Variants in CSMD1 observed in about 807,000 individuals in gnomAD.
CSMD1 encodes CUB and sushi domain-containing protein 1.
A neutral mutation model predicts 417.5 loss-of-function variants in CSMD1; 213 were observed. That is an observed-to-expected ratio of 0.51 (90% CI 0.46 to 0.57). The LOEUF (loss-of-function observed/expected upper bound fraction) is 0.57. Among genes scored for constraint, CSMD1 ranks in the 20% least tolerant of loss-of-function variants. The pLI is 0.00. For synonymous variants in CSMD1, 2,862 were observed against 1,736.8 expected (o/e 1.65, Z -16.11); for missense variants, 6,923 against 4,529.7 (o/e 1.53, Z -15.17).
chr8:4,386,398 C>T (rs548509270), intron 3 of CSMD1, among the ~76,000 whole-genome samples: 5 of 151,470 alleles, frequency 3.3e-5, no homozygotes, highest in East Asian at 1.9e-4. Context: ...GTTCCATCCC[C>T]GGTTATGACT....
intron 3 of CSMD1, among the ~76,000 whole-genome samples, chr8:4,077,295 G>GGGTA (rs1554439869): frequency 1.7e-4 from 15 of 88,912 alleles, no homozygotes; most frequent in African/African-American, 6.5e-4. Flanking sequence ...ATATATATAT[G>GGGTA]TGTATATATA....
chr8:4,486,578 T>C lies in CSMD1; in HGVS notation c.303-66513A>G, dbSNP rs116180979. ...CATAACAGAAGCTTATCAATGCATA[T>C]ATAAGAAGTCCATCTTTCTGAAACT... is the stretch of plus-strand genomic sequence containing the variant. On this transcript the variant is annotated intron_variant, in intron 2 of 69. Coordinates refer to ENST00000635120, the MANE Select transcript of CSMD1 (RefSeq NM_033225.6). Among the ~76,000 whole-genome samples the C allele has an allele frequency of 9.3e-3, 1,410 of 152,152 alleles. 19 individuals carry two copies. Among genetic ancestry groups the C allele is most frequent in the African/African-American group, 0.033 (1,359 of 41,506 alleles).
intron 2 of CSMD1, among the ~76,000 whole-genome samples, chr8:4,622,337 G>A (rs777538211): frequency 5.3e-5 from 8 of 152,188 alleles, no homozygotes; most frequent in Non-Finnish European, 8.8e-5. Context: ...AAAAATGCAT[G>A]CTGAGGCTCA....
intron 1 of CSMD1, among the ~76,000 whole-genome samples, chr8:4,924,326 T>C (rs1281364142): frequency 6.6e-6 from 1 of 152,222 alleles, no homozygotes; most frequent in Non-Finnish European, 1.5e-5. Context: ...TCATGTAAAA[T>C]GAATTTTCCT....
At chr8:3,277,847 C>T (rs1443781349) in intron 26 of CSMD1, among the ~76,000 whole-genome samples, 3 of 152,142 alleles carry the variant, frequency 2.0e-5, no homozygotes, top group African/African-American at 7.2e-5. Flanking sequence ...CCAAGGGTTA[C>T]ATTAAACCAC....
intron 7 of CSMD1, among the ~76,000 whole-genome samples, chr8:3,696,919 C>T (rs1800584805): frequency 6.6e-6 from 1 of 152,132 alleles, no homozygotes; most frequent in Non-Finnish European, 1.5e-5. Context: ...AACACTTTAT[C>T]AGTCACTTTG....
At chr8:3,624,132 T>A (rs1796386107) in intron 7 of CSMD1, among the ~76,000 whole-genome samples, 1 of 152,170 alleles carries the variant, frequency 6.6e-6, no homozygotes, top group African/African-American at 2.4e-5. Context: ...TTCATAAAAT[T>A]TAATTAATAA....
chr8:4,818,419 T>C (rs984103768), intron 1 of CSMD1, among the ~76,000 whole-genome samples: 48 of 152,332 alleles, frequency 3.2e-4, no homozygotes, highest in African/African-American at 1.1e-3. Flanking sequence ...TTTTCTTTTC[T>C]TAACATTCTG....
At chr8:3,218,178 T>C (rs981638901) in intron 29 of CSMD1, among the ~76,000 whole-genome samples, 17 of 152,182 alleles carry the variant, frequency 1.1e-4, no homozygotes, top group Non-Finnish European at 1.9e-4. Context: ...AAAAGAGCTC[T>C]GAGCAGCGTC....
chr8:4,085,032 C>A (rs904619218), intron 3 of CSMD1, among the ~76,000 whole-genome samples: 2 of 152,144 alleles, frequency 1.3e-5, no homozygotes, highest in Non-Finnish European at 2.9e-5. Flanking sequence ...AAACTATCCA[C>A]AAATTCTAAA....
intron 5 of CSMD1, among the ~76,000 whole-genome samples, chr8:3,886,594 G>C (rs891404622): frequency 6.6e-6 from 1 of 152,302 alleles, no homozygotes; most frequent in East Asian, 1.9e-4. Flanking sequence ...ATTTTCCAAA[G>C]TCCCTGGAGT....
chr8:4,401,414 T>C (rs1035969952), intron 3 of CSMD1, among the ~76,000 whole-genome samples: 8 of 152,278 alleles, frequency 5.3e-5, no homozygotes, highest in African/African-American at 1.4e-4. Context: ...ACCACAACTA[T>C]TTTATATTAT....
At chr8:4,204,004 G>C (rs963903514) in intron 3 of CSMD1, among the ~76,000 whole-genome samples, 4 of 152,136 alleles carry the variant, frequency 2.6e-5, no homozygotes, top group African/African-American at 7.2e-5. Context: ...GGAAGACTGA[G>C]GCATCAGAAT....
chr8:4,764,053 G>A (rs1485941919), intron 1 of CSMD1, among the ~76,000 whole-genome samples: 3 of 152,068 alleles, frequency 2.0e-5, no homozygotes, highest in African/African-American at 4.8e-5. Context: ...AATTACGCTG[G>A]CAACAGACAG....
chr8:4,756,941 A>G (rs1326515768), intron 1 of CSMD1, among the ~76,000 whole-genome samples: 1 of 152,256 alleles, frequency 6.6e-6, no homozygotes, highest in African/African-American at 2.4e-5. Context: ...GAATGTTTTT[A>G]AAAGAAACCT....
intron 7 of CSMD1, among the ~76,000 whole-genome samples, chr8:3,622,816 A>AT (rs1235576500): frequency 1.3e-5 from 2 of 152,140 alleles, no homozygotes; most frequent in Non-Finnish European, 2.9e-5. Context: ...TGAGTCATTG[A>AT]TTCATCTAGA....
At chr8:3,499,233 C>A (rs1467148241) in intron 10 of CSMD1, among the ~76,000 whole-genome samples, 1 of 152,130 alleles carries the variant, frequency 6.6e-6, no homozygotes, top group Non-Finnish European at 1.5e-5. Flanking sequence ...GTAGTGCAGT[C>A]TTCATGATAT....
At chr8:3,545,252 T>A (rs971038814) in intron 10 of CSMD1, among the ~76,000 whole-genome samples, 12 of 152,182 alleles carry the variant, frequency 7.9e-5, no homozygotes, top group Non-Finnish European at 1.3e-4. Context: ...GTCTATGAAC[T>A]TTTCTGATTT....
intron 7 of CSMD1, among the ~76,000 whole-genome samples, chr8:3,677,187 G>C (rs1001232716): frequency 6.6e-6 from 1 of 151,896 alleles, no homozygotes; most frequent in Non-Finnish European, 1.5e-5. Context: ...AAAGAAACAC[G>C]TATATAAGAC....
Sources: allele counts gnomAD v4.1 joint callset (sites outside exome capture counted in the v4.1 genomes callset), GRCh38; gene constraint gnomAD v4.1.1; transcripts MANE v1.5; gene names NCBI Gene and HGNC (gene_info 2026-07-23, HGNC 2026-07-21).